Variants in ZRANB3 observed in about 807,000 individuals in gnomAD.
The protein encoded by ZRANB3 is DNA annealing helicase and endonuclease ZRANB3.
Under a neutral mutation model 133.8 loss-of-function variants are expected in ZRANB3, and 125 were observed. That is an observed-to-expected ratio of 0.93 (90% CI 0.81 to 1.08). ZRANB3 has a LOEUF of 1.08. Among genes scored for constraint, ZRANB3 ranks in the 50% least tolerant of loss-of-function variants. ZRANB3 has a pLI of 0.00. For synonymous variants in ZRANB3, 387 were observed against 432.7 expected (o/e 0.89, Z 1.31); for missense variants, 1,229 against 1,275.5 (o/e 0.96, Z 0.56).
intron 3 of ZRANB3, among the ~76,000 whole-genome samples, chr2:135,383,958 T>C (rs1158763328): frequency 1.3e-5 from 2 of 152,006 alleles, no homozygotes; most frequent in Non-Finnish European, 2.9e-5. Context: ...GCGAACACAT[T>C]CAAAAGCTAG....
rs201505075 is a variant in ZRANB3 at position 135,464,166 on chromosome 2, C to T, written c.161+40163G>A. On this transcript the variant is annotated intron_variant, in intron 2 of 20. Coordinates refer to ENST00000264159, the MANE Select transcript of ZRANB3 (RefSeq NM_032143.4). ...TCATCCATGAAAAGAAAGTGTTTCT[C>T]AGAGGAACATAGGCTTTTATTTATT... is the stretch of plus-strand genomic sequence containing the variant. 2.0e-5 allele frequency among the ~76,000 whole-genome samples: 3 copies of T among 152,266 alleles called. No homozygotes were observed. In the East Asian group the frequency reaches 5.8e-4, roughly 29 times the overall value.
intron 2 of ZRANB3, among the ~76,000 whole-genome samples, chr2:135,402,038 T>G (rs1687756110): frequency 6.6e-6 from 1 of 152,028 alleles, no homozygotes; most frequent in Admixed American, 6.6e-5. Flanking sequence ...TTTTTCATAT[T>G]TTGAAAATAT....
intron 12 of ZRANB3, among the ~76,000 whole-genome samples, chr2:135,261,224 C>G (rs1483727236): frequency 6.6e-6 from 1 of 152,004 alleles, no homozygotes; most frequent in Admixed American, 6.6e-5. Flanking sequence ...AAATCAAATT[C>G]ATAGGAAAAT....
intron 14 of ZRANB3, 110 bp from the exon 15 acceptor site, chr2:135,224,627 A>G: frequency 3.1e-6 from 2 of 642,222 alleles, no homozygotes; most frequent in Non-Finnish European, 2.5e-6. Flanking sequence ...TCAAAATATC[A>G]ATATATTTAA....
chr2:135,470,277 T>C (rs1162534162), intron 2 of ZRANB3, among the ~76,000 whole-genome samples: 1 of 151,744 alleles, frequency 6.6e-6, no homozygotes, highest in South Asian at 2.1e-4. Context: ...TGAGCCGAGA[T>C]TGAGCCACTG....
chr2:135,354,000 TA>T lies in ZRANB3; in HGVS notation c.181-373del, dbSNP rs550007270. The stretch of plus-strand genomic sequence containing the variant: ...GCCTGGGTGACAGAGTAAGGCTGTC[TA>T]AAAAAAAATGTATTATCAAAATAAT... On this transcript the variant is annotated intron_variant, in intron 3 of 20. Transcript: ENST00000264159. Among the ~76,000 whole-genome samples the T allele has an allele frequency of 3.0e-3, 454 of 151,010 alleles. 2 individuals carry two copies. Among genetic ancestry groups the T allele is most frequent in the African/African-American group, 0.01 (430 of 41,216 alleles).
At chr2:135,293,214 T>C (rs1017530746) in intron 8 of ZRANB3, among the ~76,000 whole-genome samples, 173 of 152,362 alleles carry the variant, frequency 1.1e-3, no homozygotes, top group Admixed American at 2.5e-3. Flanking sequence ...ACATTGATTC[T>C]TCCTACCCAT....
rs1309111907 is a variant in ZRANB3 at position 135,200,422 on chromosome 2, T to C, written c.3160A>G (p.Lys1054Glu). The change falls in exon 21 of 21, where the codon AAG becomes GAG. Residue 1054 changes from lysine to glutamate, a missense_variant. Coordinates refer to ENST00000264159, the MANE Select transcript of ZRANB3 (RefSeq NM_032143.4). ...TGTCTTCTCACCTGGCTTCTTTCCT[T>C]AGCTTGTCTGGCAGTTCTCTAAAAG... ...CHKERTARQA[K>E]ERSQVRRQSL... 2.5e-6 allele frequency: 4 copies of C among 1,605,080 alleles called. No homozygotes were observed. The highest frequency in any genetic ancestry group is 3.4e-6 in the Non-Finnish European group (4 of 1,175,392).
intron 2 of ZRANB3, among the ~76,000 whole-genome samples, chr2:135,449,339 G>A (rs1269504058): frequency 2.3e-4 from 35 of 152,192 alleles, no homozygotes; most frequent in Admixed American, 2.3e-3. Flanking sequence ...AGTTGTTTTG[G>A]CTGGGCGTGG....
At chr2:135,414,776 A>G (rs1688478248) in intron 2 of ZRANB3, among the ~76,000 whole-genome samples, 1 of 152,210 alleles carries the variant, frequency 6.6e-6, no homozygotes, top group East Asian at 1.9e-4. Flanking sequence ...AGTGCAATCA[A>G]ACTAGAACTC....
chr2:135,409,665 G>A (rs192684211), intron 2 of ZRANB3, among the ~76,000 whole-genome samples: 65 of 152,090 alleles, frequency 4.3e-4, no homozygotes, highest in African/African-American at 1.4e-3. Context: ...GAAAGCATCC[G>A]AAAAAGAGGA....
intron 6 of ZRANB3, among the ~76,000 whole-genome samples, chr2:135,316,224 C>G (rs1344834658): frequency 1.3e-5 from 2 of 152,162 alleles, no homozygotes; most frequent in Non-Finnish European, 2.9e-5. Flanking sequence ...GAAGCGATAA[C>G]TTAAACTGCT....
intron 1 of ZRANB3, among the ~76,000 whole-genome samples, chr2:135,520,299 G>A (rs1229277914): frequency 6.6e-6 from 1 of 152,008 alleles, no homozygotes; most frequent in Non-Finnish European, 1.5e-5. Flanking sequence ...GAGAGTCTGA[G>A]GCAGGAGATC....
At position 135,374,122 on chromosome 2, in the gene ZRANB3, T is replaced by G. The variant is rs531214425; in HGVS notation, c.180+16680A>C. On this transcript the variant is annotated intron_variant, in intron 3 of 20. Coordinates refer to ENST00000264159, the MANE Select transcript of ZRANB3 (RefSeq NM_032143.4). ...ATGGAAGAAACAGGTAGTGGCTAGC[T>G]TGTGAAGTGCTTTACTCTATCGGCC... Among the ~76,000 whole-genome samples the G allele has an allele frequency of 3.3e-5, 5 of 152,242 alleles. No homozygotes were observed. The East Asian group carries it at 9.7e-4, about 29-fold the overall frequency.
At position 135,271,824 on chromosome 2, in the gene ZRANB3, A is replaced by G. The variant is rs765569164; in HGVS notation, c.1150T>C (p.Phe384Leu). The change falls in exon 10 of 21, where the codon TTT becomes CTT. Residue 384 changes from phenylalanine (F) to leucine (L), a missense_variant. Transcript: ENST00000264159. The stretch of plus-strand genomic sequence containing the variant: ...ACGCGAGTGTCAGGATCCTTTTGAA[A>G]CTGATTAACCAGATGTATTCTTTCT... ...SSERIHLVNQ[F>L]QKDPDTRVAI... 6.2e-7 allele frequency: 1 copy of G among 1,613,838 alleles called. No homozygotes were observed. The highest frequency in any genetic ancestry group is 8.5e-7 in the Non-Finnish European group (1 of 1,179,830).
intron 3 of ZRANB3, among the ~76,000 whole-genome samples, chr2:135,386,717 T>C (rs1686992877): frequency 6.6e-6 from 1 of 152,178 alleles, no homozygotes; most frequent in African/African-American, 2.4e-5. Context: ...CTGGAAACCA[T>C]AATTCTCAGC....
At chr2:135,416,563 C>G (rs937295342) in intron 2 of ZRANB3, among the ~76,000 whole-genome samples, 1 of 151,686 alleles carries the variant, frequency 6.6e-6, no homozygotes, top group South Asian at 2.1e-4. Context: ...AATGCCATCC[C>G]CATCAAGCTA....
intron 2 of ZRANB3, among the ~76,000 whole-genome samples, chr2:135,500,389 T>C (rs141673932): frequency 1.2e-3 from 185 of 152,236 alleles, no homozygotes; most frequent in African/African-American, 3.3e-3. Context: ...TGCTCCATAG[T>C]AGAATGAATA....
intron 1 of ZRANB3, among the ~76,000 whole-genome samples, chr2:135,515,139 T>C (rs1693648149): frequency 6.6e-6 from 1 of 152,206 alleles, no homozygotes; most frequent in Non-Finnish European, 1.5e-5. Flanking sequence ...ATCAGCATGA[T>C]GCTAGCCTCA....
Sources: allele counts gnomAD v4.1 joint callset (sites outside exome capture counted in the v4.1 genomes callset), GRCh38; gene constraint gnomAD v4.1.1; transcripts MANE v1.5; gene names NCBI Gene and HGNC (gene_info 2026-07-23, HGNC 2026-07-21).